Variants in OTUD7A observed in about 807,000 individuals in gnomAD.
OTUD7A encodes the protein OTU domain-containing protein 7A.
OTUD7A carries 12 observed loss-of-function variants against 65.7 expected under a neutral mutation model. The ratio of observed to expected loss-of-function variants is 0.18; its 90% CI spans 0.12 to 0.30. The LOEUF (loss-of-function observed/expected upper bound fraction) is 0.30, where lower values mean the gene tolerates loss of function less well. OTUD7A is among the 10% of genes least tolerant of loss of function. The pLI is 1.00. For synonymous variants in OTUD7A, 641 were observed against 586.3 expected (o/e 1.09, Z -1.35); for missense variants, 1,148 against 1,304.8 (o/e 0.88, Z 1.85).
At chr15:31,615,989 G>A (rs1176662169) in intron 3 of OTUD7A, among the ~76,000 whole-genome samples, 6 of 152,218 alleles carry the variant, frequency 3.9e-5, no homozygotes, top group African/African-American at 1.4e-4. Context: ...AGCTCCACCT[G>A]GCCTCACTGT....
At chr15:31,580,305 C>G (rs1026491908) in intron 3 of OTUD7A, among the ~76,000 whole-genome samples, 1 of 152,004 alleles carries the variant, frequency 6.6e-6, no homozygotes, top group Non-Finnish European at 1.5e-5. Context: ...AGATGCCCTG[C>G]AGGAATTGTA....
intron 1 of OTUD7A, among the ~76,000 whole-genome samples, chr15:31,735,565 T>A (rs1439530291): frequency 2.0e-5 from 3 of 148,424 alleles, no homozygotes; most frequent in Admixed American, 6.7e-5. Flanking sequence ...AAATAACAGA[T>A]GTTGGCAAGG....
At chr15:31,704,528 T>C (rs3874378) in intron 1 of OTUD7A, among the ~76,000 whole-genome samples, 135,355 of 146,850 alleles carry the variant, frequency 0.92, 62,542 homozygotes, top group East Asian at 0.99. Flanking sequence ...CAGTCACTCA[T>C]AGCAGTTTAA....
chr15:31,686,469 T>C (rs970689424), intron 1 of OTUD7A, among the ~76,000 whole-genome samples: 2 of 152,280 alleles, frequency 1.3e-5, no homozygotes, highest in Admixed American at 6.5e-5. Context: ...TTGGTGTTGA[T>C]GCAGAACCAG....
chr15:31,548,767 C>T (rs1888219481), intron 5 of OTUD7A, among the ~76,000 whole-genome samples: 1 of 152,122 alleles, frequency 6.6e-6, no homozygotes, highest in Non-Finnish European at 1.5e-5. Context: ...TTCTGATTGT[C>T]AAAAGAGCCC....
intron 8 of OTUD7A, among the ~76,000 whole-genome samples, chr15:31,511,143 C>T (rs865836733): frequency 0.016 from 201 of 12,500 alleles, 44 homozygotes; most frequent in Admixed American, 0.024. Context: ...ATGTAACATA[C>T]ATATGTATAT....
chr15:31,780,323 A>G (rs1308407650), intron 1 of OTUD7A, among the ~76,000 whole-genome samples: 1 of 152,152 alleles, frequency 6.6e-6, no homozygotes, highest in African/African-American at 2.4e-5. Context: ...TTCTTCTACA[A>G]AGTTAAGAAA....
At chr15:31,625,841 T>C (rs1890935399) in intron 3 of OTUD7A, among the ~76,000 whole-genome samples, 1 of 152,178 alleles carries the variant, frequency 6.6e-6, no homozygotes, top group Non-Finnish European at 1.5e-5. Flanking sequence ...CTTCATTCTT[T>C]CTTCAAAAGA....
In OTUD7A at chr15:31,498,748, A is replaced by T. The variant is rs886657356; in HGVS notation, c.1171+2942T>A. ...GCAAATGACTAATGTCCTCCCCAGG[A>T]GAAAGCAGGTGACCATCATGTGTGG... On this transcript the variant is annotated intron_variant, in intron 10 of 12. Coordinates refer to ENST00000307050, the MANE Select transcript of OTUD7A (RefSeq NM_001382637.1). The surrounding 1 kb of genome is among the most constrained non-coding windows in gnomAD (Gnocchi z 4.2). Among the ~76,000 whole-genome samples, 1 of 152,242 alleles carries T rather than the reference A, an allele frequency of 6.6e-6. No homozygotes were observed. Among genetic ancestry groups the T allele is most frequent in the African/African-American group, 2.4e-5 (1 of 41,462 alleles).
intron 1 of OTUD7A, among the ~76,000 whole-genome samples, chr15:31,846,989 G>C (rs754883296): frequency 6.6e-6 from 1 of 152,150 alleles, no homozygotes; most frequent in South Asian, 2.1e-4. Flanking sequence ...GCCAAGGGTC[G>C]CCTTGTTGTT....
chr15:31,698,432 C>G (rs1893133846), intron 1 of OTUD7A, among the ~76,000 whole-genome samples: 1 of 152,202 alleles, frequency 6.6e-6, no homozygotes, highest in Admixed American at 6.5e-5. Context: ...AACAGTGGTT[C>G]TCAAAGTGAG....
intron 1 of OTUD7A, among the ~76,000 whole-genome samples, chr15:31,810,249 G>A (rs1437542456): frequency 6.6e-6 from 1 of 152,136 alleles, no homozygotes; most frequent in African/African-American, 2.4e-5. Context: ...GGTGGGCAAG[G>A]GCCTACCTGA....
rs577414822 is a variant in OTUD7A at position 31,844,892 on chromosome 15, A to G, written c.-100+25615T>C. Among the ~76,000 whole-genome samples, 8 of 152,216 alleles carry G rather than the reference A, an allele frequency of 5.3e-5. 1 individual carries two copies. The East Asian group carries it at 1.5e-3, about 29-fold the overall frequency. On this transcript the variant is annotated intron_variant, in intron 1 of 12. Transcript: ENST00000307050. ...CAGGGCCCTGCTTACTGCCTCGGGG[A>G]CCATTCCCAGGACTTGGTGTCCCCA...
intron 3 of OTUD7A, among the ~76,000 whole-genome samples, chr15:31,603,461 T>TTAAACGTA (rs1423111251): frequency 1.3e-5 from 2 of 152,212 alleles, no homozygotes; most frequent in Admixed American, 1.3e-4. Flanking sequence ...AATTAAAGAC[T>TTAAACGTA]TAAACGTAAG....
chr15:31,760,932 T>TG (rs1272013630), intron 1 of OTUD7A, among the ~76,000 whole-genome samples: 2 of 152,276 alleles, frequency 1.3e-5, no homozygotes, highest in African/African-American at 4.8e-5. Context: ...TTTTTTGTTT[T>TG]TTTGTTTTTT....
chr15:31,491,416 A>G (rs1268087060), intron 10 of OTUD7A, among the ~76,000 whole-genome samples: 2 of 152,186 alleles, frequency 1.3e-5, no homozygotes, highest in African/African-American at 2.4e-5. Context: ...CTGAGCAAAG[A>G]ATCTGATCTG....
At chr15:31,683,848 G>A (rs554830895) in intron 1 of OTUD7A, among the ~76,000 whole-genome samples, 1 of 152,258 alleles carries the variant, frequency 6.6e-6, no homozygotes, top group Non-Finnish European at 1.5e-5. Flanking sequence ...GGTTGGTTCT[G>A]AATTGAAACT....
chr15:31,840,582 A>G (rs1452566244), intron 1 of OTUD7A, among the ~76,000 whole-genome samples: 1 of 152,262 alleles, frequency 6.6e-6, no homozygotes, highest in Non-Finnish European at 1.5e-5. Flanking sequence ...TGTTACATAT[A>G]GCATGAAGTT....
chr15:31,829,520 T>G (rs145069524), intron 1 of OTUD7A, among the ~76,000 whole-genome samples: 6 of 152,316 alleles, frequency 3.9e-5, no homozygotes, highest in Non-Finnish European at 8.8e-5. Flanking sequence ...CATTGGGTTG[T>G]TCCAATAAAG....
Sources: gnomAD v4.1 joint callset for allele counts (sites outside exome capture counted in the v4.1 genomes callset) on GRCh38, gnomAD v4.1.1 for gene constraint, Gnocchi (gnomAD v3.1) non-coding constraint, MANE v1.5 for transcripts, NCBI Gene and HGNC (gene_info 2026-07-23, HGNC 2026-07-21) for gene names.